Variants in ESR1 observed in about 807,000 individuals in gnomAD.
ESR1 encodes the protein estrogen receptor.
ESR1 carries 12 observed loss-of-function variants against 52.7 expected under a neutral mutation model. The ratio of observed to expected loss-of-function variants is 0.23; its 90% CI spans 0.15 to 0.37. ESR1 has a LOEUF of 0.37. ESR1 is among the 10% of genes least tolerant of loss of function. The pLI, the probability that ESR1 is intolerant of heterozygous loss-of-function variation, is 1.00. For missense variants in ESR1, 584 were observed against 779.7 expected, an observed-to-expected ratio of 0.75 and a Z score of 2.99; for synonymous variants, 305 against 316.8, an observed-to-expected ratio of 0.96 and a Z score of 0.39.
chr6:151,785,444 G>A (rs1261111754), intron 2 of ESR1, among the ~76,000 whole-genome samples: 6 of 152,182 alleles, frequency 3.9e-5, no homozygotes, highest in South Asian at 2.1e-4. Flanking sequence ...GTATACCTCT[G>A]TTATTATCCA....
chr6:151,880,276 G>A (rs1056229791), intron 2 of ESR1, among the ~76,000 whole-genome samples: 4 of 143,170 alleles, frequency 2.8e-5, no homozygotes, highest in Admixed American at 7.4e-5. Context: ...TCCGCCTCCC[G>A]GGTTCAAGCG....
At chr6:151,994,792 C>T (rs1164435346) in intron 4 of ESR1, among the ~76,000 whole-genome samples, 1 of 152,110 alleles carries the variant, frequency 6.6e-6, no homozygotes, top group Non-Finnish European at 1.5e-5. Context: ...AATAGATGCT[C>T]ATTGATAAAG....
chr6:151,854,867 CT>C (rs1284466025), intron 2 of ESR1, among the ~76,000 whole-genome samples: 1 of 152,116 alleles, frequency 6.6e-6, no homozygotes, highest in Non-Finnish European at 1.5e-5. Context: ...TTATTTTGTG[CT>C]TTTGACACCT....
intron 1 of ESR1, among the ~76,000 whole-genome samples, chr6:151,678,506 T>C (rs1778334678): frequency 6.6e-6 from 1 of 151,318 alleles, no homozygotes; most frequent in Non-Finnish European, 1.5e-5. Context: ...CCTGAGTCTC[T>C]CCCCAAAAAT....
intron 4 of ESR1, among the ~76,000 whole-genome samples, chr6:151,968,302 T>G (rs2038510775): frequency 6.6e-6 from 1 of 152,164 alleles, no homozygotes; most frequent in Non-Finnish European, 1.5e-5. Context: ...ATGTAAGACC[T>G]AAAACCATAA....
At chr6:151,930,029 G>A (rs1454500555) in intron 3 of ESR1, among the ~76,000 whole-genome samples, 1 of 151,416 alleles carries the variant, frequency 6.6e-6, no homozygotes, top group Non-Finnish European at 1.5e-5. Flanking sequence ...TGTTGCCCAG[G>A]CGGGAGTGCA....
At chr6:152,060,851 G>A (rs1585056433) in intron 5 of ESR1, 140 bp from the exon 6 acceptor site, 1 of 675,310 alleles carries the variant, frequency 1.5e-6, no homozygotes, top group Non-Finnish European at 2.5e-6. Context: ...CATATTCCAT[G>A]AAGACAATGG....
At chr6:151,686,088 T>TTA (rs142764831), upstream of ESR1, among the ~76,000 whole-genome samples, 43 of 143,144 alleles carry the variant, frequency 3.0e-4, no homozygotes, top group African/African-American at 9.2e-4. Context: ...TTTTTTTTTT[T>TTA]ATTTAGAGAC....
chr6:152,033,754 G>A (rs142214069), intron 5 of ESR1, among the ~76,000 whole-genome samples: 10,816 of 152,186 alleles, frequency 0.071, 412 homozygotes, highest in Middle Eastern at 0.12. Flanking sequence ...CAGGGATCTA[G>A]AACTAGAAAT....
At chr6:151,972,933 C>T (rs1236268940) in intron 4 of ESR1, among the ~76,000 whole-genome samples, 1 of 152,184 alleles carries the variant, frequency 6.6e-6, no homozygotes, top group Non-Finnish European at 1.5e-5. Flanking sequence ...AAGCATCCAG[C>T]ATGGGAGAAA....
At chr6:151,981,243 C>A (rs746317332) in intron 4 of ESR1, among the ~76,000 whole-genome samples, 41 of 152,004 alleles carry the variant, frequency 2.7e-4, no homozygotes, top group Non-Finnish European at 5.6e-4. Flanking sequence ...GCTTTAATTT[C>A]CCCCTATATT....
intron 4 of ESR1, among the ~76,000 whole-genome samples, chr6:151,998,143 T>C (rs2041654294): frequency 1.3e-5 from 2 of 152,180 alleles, no homozygotes; most frequent in Admixed American, 1.3e-4. Flanking sequence ...TCATATGTTA[T>C]GGCTTTAGAT....
intron 3 of ESR1, among the ~76,000 whole-genome samples, chr6:151,921,112 G>A (rs1168229267): frequency 6.6e-6 from 1 of 152,056 alleles, no homozygotes; most frequent in East Asian, 1.9e-4. Context: ...AGGTCCCAGT[G>A]TGTGTTGTTC....
chr6:152,013,094 A>T (rs2042909407), intron 5 of ESR1, among the ~76,000 whole-genome samples: 1 of 152,216 alleles, frequency 6.6e-6, no homozygotes, highest in East Asian at 1.9e-4. Context: ...AAGAATGGCC[A>T]CTAGTCTTGT....
chr6:151,873,483 G>C (rs548489195), intron 2 of ESR1, among the ~76,000 whole-genome samples: 10 of 152,192 alleles, frequency 6.6e-5, no homozygotes, highest in African/African-American at 9.7e-5. Context: ...GTGAGCACAA[G>C]TGTGAAATGA....
At chr6:152,027,978 C>T (rs912868995) in intron 5 of ESR1, among the ~76,000 whole-genome samples, 2 of 152,036 alleles carry the variant, frequency 1.3e-5, no homozygotes, top group African/African-American at 4.8e-5. Flanking sequence ...CCCGTCTCTA[C>T]TAAAAATACA....
At chr6:151,721,644 T>C (rs1389607358) in intron 2 of ESR1, among the ~76,000 whole-genome samples, 1 of 152,252 alleles carries the variant, frequency 6.6e-6, no homozygotes, top group Non-Finnish European at 1.5e-5. Flanking sequence ...TTGTTTATCA[T>C]CTATGTTGAG....
chr6:151,953,205 T>A (rs1299375144), intron 4 of ESR1, among the ~76,000 whole-genome samples: 1 of 152,170 alleles, frequency 6.6e-6, no homozygotes, highest in East Asian at 1.9e-4. Context: ...AAGCTATTTA[T>A]CCCCAAACAG....
chr6:152,097,257 TTAAG>T (rs1333448646), intron 7 of ESR1, among the ~76,000 whole-genome samples: 12 of 152,198 alleles, frequency 7.9e-5, no homozygotes, highest in Non-Finnish European at 1.6e-4. Flanking sequence ...GTCTATTTTG[TTAAG>T]TAAGCTTGGC....
Sources: allele counts gnomAD v4.1 joint callset (sites outside exome capture counted in the v4.1 genomes callset), GRCh38; gene constraint gnomAD v4.1.1; transcripts MANE v1.5; gene names NCBI Gene and HGNC (gene_info 2026-07-23, HGNC 2026-07-21).